Variants in ITGB8 observed in about 807,000 individuals in gnomAD.
ITGB8 encodes integrin beta-8.
A neutral mutation model predicts 89.5 loss-of-function variants in ITGB8; 30 were observed. The observed-to-expected ratio is 0.34, with a 90% CI of 0.25 to 0.45. ITGB8 has a LOEUF of 0.45. Among genes scored for constraint, ITGB8 ranks in the 20% least tolerant of loss-of-function variants. The probability of loss-of-function intolerance (pLI) is 1.00; values close to 1 mark genes in which losing one functional copy is unlikely to be tolerated. For missense variants in ITGB8, 836 were observed against 933.3 expected, an observed-to-expected ratio of 0.90 and a Z score of 1.36; for synonymous variants, 335 against 320.4, an observed-to-expected ratio of 1.05 and a Z score of -0.49.
intron 7 of ITGB8, among the ~76,000 whole-genome samples, chr7:20,392,628 T>C (rs969675920): frequency 6.6e-6 from 1 of 152,158 alleles, no homozygotes; most frequent in African/African-American, 2.4e-5. Flanking sequence ...GTCACTCGAA[T>C]AGCACACATT....
rs775278759 is a variant in ITGB8, at chr7:20,412,655, G to T, written c.*2658G>T. The T allele has an allele frequency of 2.0e-5, 3 of 152,572 alleles. No homozygotes were observed. Among genetic ancestry groups the T allele is most frequent in the Non-Finnish European group, 4.4e-5 (3 of 68,014 alleles). The allele number at this position is 152,572 out of a possible 1,614,324, so 9.5% of individuals were successfully genotyped here. Reference sequence around the variant, plus strand: ...AACTCAGTGTTAGACGATGATTGTGGTTATGCTTGCAAAGTCTTGTGCTTA... The same window carrying T: ...AACTCAGTGTTAGACGATGATTGTGTTTATGCTTGCAAAGTCTTGTGCTTA... On this transcript the variant is annotated 3_prime_UTR_variant, in exon 14 of 14. Transcript: ENST00000222573.
At chr7:20,367,390 C>A (rs1447358458) in intron 3 of ITGB8, among the ~76,000 whole-genome samples, 1 of 152,154 alleles carries the variant, frequency 6.6e-6, no homozygotes, top group Non-Finnish European at 1.5e-5. Context: ...CCTGACCACA[C>A]TATATTCTAA....
At chr7:20,405,320 T>TAC (rs1787489384) in intron 11 of ITGB8, among the ~76,000 whole-genome samples, 1 of 146,146 alleles carries the variant, frequency 6.8e-6, no homozygotes, top group African/African-American at 2.6e-5. Flanking sequence ...ATTTAATATA[T>TAC]ATATATATTT....
At chr7:20,397,527 A>G (rs1315559880) in intron 8 of ITGB8, among the ~76,000 whole-genome samples, 1 of 152,224 alleles carries the variant, frequency 6.6e-6, no homozygotes, top group Non-Finnish European at 1.5e-5. Context: ...CACCAGGCCA[A>G]CTAAGATCTT....
At position 20,368,448 on chromosome 7, in the gene ITGB8, T is replaced by C. The variant is rs529430114; in HGVS notation, c.388+1262T>C. ...TCCTATAATTACACATGCCTCTCTCTTGCCTGTGTTTTCTTTTGCCTTTAT... is the reference window on the plus strand; with the variant it reads ...TCCTATAATTACACATGCCTCTCTCCTGCCTGTGTTTTCTTTTGCCTTTAT... On this transcript the variant is annotated intron_variant, in intron 3 of 13. Transcript: ENST00000222573. Among the ~76,000 whole-genome samples, 19 of 152,348 alleles carry C rather than the reference T, an allele frequency of 1.2e-4. No homozygotes were observed. The East Asian group carries it at 2.7e-3, about 22-fold the overall frequency.
intron 1 of ITGB8, among the ~76,000 whole-genome samples, chr7:20,341,648 G>A (rs865923415): frequency 6.6e-6 from 1 of 152,206 alleles, no homozygotes; most frequent in African/African-American, 2.4e-5. Context: ...GCACGTGCCT[G>A]TGGCCCACTG....
chr7:20,334,454 A>G (rs1338875738), intron 1 of ITGB8, among the ~76,000 whole-genome samples: 1 of 152,164 alleles, frequency 6.6e-6, no homozygotes, highest in African/African-American at 2.4e-5. Flanking sequence ...AAAAGCGGTA[A>G]CTATTATTGC....
intron 1 of ITGB8, among the ~76,000 whole-genome samples, chr7:20,347,960 G>A (rs755177033): frequency 1.3e-5 from 2 of 152,178 alleles, no homozygotes; most frequent in Admixed American, 1.3e-4. Context: ...AGTGCTAGTT[G>A]CTAAATGTAA....
At chr7:20,337,738 C>T (rs1221091830) in intron 1 of ITGB8, among the ~76,000 whole-genome samples, 2 of 152,174 alleles carry the variant, frequency 1.3e-5, no homozygotes, top group African/African-American at 2.4e-5. Context: ...GGAGTCCCTA[C>T]CTTGAACCTT....
chr7:20,331,609 C>T lies in ITGB8; in HGVS notation c.-198C>T, dbSNP rs77694585. ...CCGCCGTGCCGAGCCGGGAGGGCCGCAGGGGCCCTGAGATGCCGAGCGGTG... is the reference window on the plus strand; with the variant it reads ...CCGCCGTGCCGAGCCGGGAGGGCCGTAGGGGCCCTGAGATGCCGAGCGGTG... On this transcript the variant is annotated 5_prime_UTR_variant, in exon 1 of 14. It introduces an in-frame stop codon into an upstream open reading frame of the 5' UTR. Coordinates refer to ENST00000222573, the MANE Select transcript of ITGB8 (RefSeq NM_002214.3). The T allele has an allele frequency of 0.39, 206,886 of 527,026 alleles. 43,453 individuals carry two copies. The highest frequency in any genetic ancestry group is 0.44 in the Non-Finnish European group (143,306 of 326,858). The allele number at this position is 527,026 out of a possible 1,614,324, so 32.6% of individuals were successfully genotyped here. A position where few individuals can be genotyped will look rare whatever the true frequency, so the allele number is the denominator to read the frequency against.
At chr7:20,403,808 G>A (rs551734371) in intron 10 of ITGB8, among the ~76,000 whole-genome samples, 1 of 152,102 alleles carries the variant, frequency 6.6e-6, no homozygotes, top group South Asian at 2.1e-4. Flanking sequence ...AAAGAGGAAG[G>A]TTGGTTTGTG....
chr7:20,339,206 A>C (rs918073301), intron 1 of ITGB8, among the ~76,000 whole-genome samples: 10 of 152,044 alleles, frequency 6.6e-5, no homozygotes, highest in Admixed American at 2.6e-4. Context: ...AAAAAAAAAA[A>C]AACAACTTAG....
chr7:20,385,561 C>G (rs1786576205), intron 6 of ITGB8, among the ~76,000 whole-genome samples: 1 of 152,168 alleles, frequency 6.6e-6, no homozygotes, highest in Non-Finnish European at 1.5e-5. Flanking sequence ...AGCATGGAGG[C>G]AGAATTGCAG....
At position 20,413,111 on chromosome 7, in the gene ITGB8, A is replaced by C. The variant is rs1787821396; in HGVS notation, c.*3114A>C. On this transcript the variant is annotated 3_prime_UTR_variant, in exon 14 of 14. Coordinates refer to ENST00000222573, the MANE Select transcript of ITGB8 (RefSeq NM_002214.3). ...ATTGCACTGCAGTGCACACGTATTTATAAACATTTGTTATATTTTTGGAAA... is the reference window on the plus strand; with the variant it reads ...ATTGCACTGCAGTGCACACGTATTTCTAAACATTTGTTATATTTTTGGAAA... 1 of 152,124 alleles carries C rather than the reference A, an allele frequency of 6.6e-6. No homozygotes were observed. Among genetic ancestry groups the C allele is most frequent in the African/African-American group, 2.4e-5 (1 of 41,448 alleles). The allele number at this position is 152,124 out of a possible 1,614,324, so 9.4% of individuals were successfully genotyped here.
intron 1 of ITGB8, among the ~76,000 whole-genome samples, chr7:20,353,712 T>TCA (rs1202863280): frequency 3.3e-5 from 5 of 151,374 alleles, no homozygotes. Context: ...GGCGGGCGGA[T>TCA]CACGAGGTCA....
chr7:20,356,660 T>A (rs941672764), intron 1 of ITGB8, among the ~76,000 whole-genome samples: 2 of 152,192 alleles, frequency 1.3e-5, no homozygotes, highest in Non-Finnish European at 2.9e-5. Flanking sequence ...AACAGAAGAA[T>A]CCAGAATGAT....
intron 1 of ITGB8, among the ~76,000 whole-genome samples, chr7:20,357,837 A>T (rs993034170): frequency 2.1e-4 from 32 of 152,268 alleles, no homozygotes; most frequent in African/African-American, 7.7e-4. Flanking sequence ...TAAGACACAC[A>T]GCACATGCTA....
At chr7:20,366,768 A>G (rs1157034554) in intron 2 of ITGB8, 1 of 386,174 alleles carries the variant, frequency 2.6e-6, no homozygotes, top group Non-Finnish European at 4.6e-6. Flanking sequence ...TGTCTCCGAC[A>G]CAGAAAAAAA....
intron 9 of ITGB8, among the ~76,000 whole-genome samples, chr7:20,400,575 C>CA (rs1484666448): frequency 1.3e-5 from 2 of 151,970 alleles, no homozygotes; most frequent in East Asian, 3.9e-4. Flanking sequence ...GATCTCAATC[C>CA]AACGTGAAAG....
Sources: allele counts gnomAD v4.1 joint callset (sites outside exome capture counted in the v4.1 genomes callset), GRCh38; gene constraint gnomAD v4.1.1; transcripts MANE v1.5; gene names NCBI Gene and HGNC (gene_info 2026-07-23, HGNC 2026-07-21).